MATN4: variants seen among roughly 807,000 people sequenced by gnomAD.
The protein encoded by MATN4 is matrilin-4.
In MATN4, 40 loss-of-function variants were observed where a neutral mutation model predicts 54.6. That is an observed-to-expected ratio of 0.73 (90% CI 0.57 to 0.95). The LOEUF is 0.95. MATN4 is among the 40% of genes least tolerant of loss of function. The pLI is 0.00. For missense variants in MATN4, 810 were observed against 819.1 expected, an observed-to-expected ratio of 0.99 and a Z score of 0.13; for synonymous variants, 351 against 345.3, an observed-to-expected ratio of 1.02 and a Z score of -0.18.
chr20:45,296,444 C>A (rs1331230741), intron 8 of MATN4, among the ~76,000 whole-genome samples: 1 of 152,146 alleles, frequency 6.6e-6, no homozygotes, highest in Non-Finnish European at 1.5e-5. Context: ...CCAGCAAAGA[C>A]CCCTAACTTC....
chr20:45,306,606 G>T (rs1156315905), intron 1 of MATN4, among the ~76,000 whole-genome samples: 1 of 152,246 alleles, frequency 6.6e-6, no homozygotes, highest in African/African-American at 2.4e-5. Context: ...GCTGAGCGTG[G>T]TGGCGTGGCA....
At position 45,301,443 on chromosome 20, in the gene MATN4, G is replaced by A. The variant is rs1193644739; in HGVS notation, c.644C>T (p.Ala215Val). The change falls in exon 4 of 10, where the codon GCC (alanine) becomes GTC (valine). Residue 215 changes from alanine to valine, a missense_variant and splice_region_variant. Coordinates refer to ENST00000372756, the MANE Select transcript of MATN4 (RefSeq NM_001393530.1). Reference sequence around the variant, plus strand: ...GGTCCCTTCAGCACACAGATCAATGGCTGAGGAAGAAATGGGGTCAGTCTA... The same window carrying A: ...GGTCCCTTCAGCACACAGATCAATGACTGAGGAAGAAATGGGGTCAGTCTA... The part of the protein sequence containing the change: ...FGLQFQSRLC[A>V]IDLCAEGTHG... 1.2e-6 allele frequency: 2 copies of A among 1,613,218 alleles called. No individual in the cohort carries two copies. Among genetic ancestry groups the A allele is most frequent in the African/African-American group, 2.7e-5 (2 of 74,930 alleles).
Position 45,298,141 on chromosome 20 carries a change from C to G in MATN4, c.1426+29G>C, listed in dbSNP as rs751599235. The G allele has an allele frequency of 6.2e-7, 1 of 1,600,464 alleles. No homozygotes were observed. The highest frequency in any genetic ancestry group is 8.5e-7 in the Non-Finnish European group (1 of 1,170,526). ...TGCCTCCCAGCGTCTGACCCAACCC[C>G]AGCCCACTGTGTCCCATGCCAAGCC... On this transcript the variant is annotated intron_variant, in intron 7 of 9. Coordinates refer to ENST00000372756, the MANE Select transcript of MATN4 (RefSeq NM_001393530.1). The surrounding 1 kb of genome is among the most constrained non-coding windows in gnomAD (Gnocchi z 4.6).
chr20:45,299,751 A>C (rs959703960), intron 6 of MATN4, among the ~76,000 whole-genome samples: 2 of 151,710 alleles, frequency 1.3e-5, no homozygotes, highest in Non-Finnish European at 2.9e-5. Context: ...GGTGGGGCAC[A>C]CCTGTAGTCT....
In MATN4 at chr20:45,308,205, C is replaced by A. The variant is rs1986908609; in HGVS notation, c.-65G>T. 6.2e-7 allele frequency: 1 copy of A among 1,613,978 alleles called. No individual in the cohort carries two copies. The highest frequency in any genetic ancestry group is 1.3e-5 in the African/African-American group (1 of 74,930). Reference sequence around the variant, plus strand: ...CCTGCAGGACAGATCAGAGATGCAGCTGCAGAGCGAAGCCGACAGGCGGAG... The same window carrying A: ...CCTGCAGGACAGATCAGAGATGCAGATGCAGAGCGAAGCCGACAGGCGGAG... On this transcript the variant is annotated 5_prime_UTR_variant, in exon 1 of 10. Coordinates refer to ENST00000372756, the MANE Select transcript of MATN4 (RefSeq NM_001393530.1).
At position 45,304,385 on chromosome 20, in the gene MATN4, G is replaced by A. The variant is rs201532559; in HGVS notation, c.486C>T (p.Arg162=). 83 of 1,500,462 alleles carry A rather than the reference G, an allele frequency of 5.5e-5. No homozygotes were observed. In the Admixed American group the frequency reaches 1.4e-3, roughly 25 times the overall value. The allele number at this position is 1,500,462 out of a possible 1,614,324, so 92.9% of individuals were successfully genotyped here. Residue 162 remains arginine (R), a synonymous_variant, in exon 3 of 10, where the codon CGC becomes CGT. Transcript: ENST00000372756. ...CCGCGTAAATTTCAATGCCGCGGGC[G>A]CGCGCCTGTGCCGCCACCTCGGCCA... ...DRVAEVAAQA[R]ARGIEIYAVG...
At chr20:45,294,923 A>ATGTG (rs1367624707) in intron 8 of MATN4, among the ~76,000 whole-genome samples, 2 of 152,134 alleles carry the variant, frequency 1.3e-5, no homozygotes, top group East Asian at 3.9e-4. Context: ...ACCCTATTGT[A>ATGTG]AACTGTGCAT....
intron 3 of MATN4, among the ~76,000 whole-genome samples, chr20:45,302,459 G>T (rs1030078652): frequency 4.6e-5 from 7 of 152,294 alleles, no homozygotes; most frequent in Admixed American, 1.3e-4. Flanking sequence ...AATAAGCGAG[G>T]TATTCTATGC....
chr20:45,307,052 G>A (rs1986769092), intron 1 of MATN4: 1 of 686,192 alleles, frequency 1.5e-6, no homozygotes, highest in African/African-American at 2.0e-5. Context: ...GCCCCAAGGA[G>A]GCAGCCCGCC....
intron 8 of MATN4, among the ~76,000 whole-genome samples, chr20:45,296,604 G>C (rs2741510): frequency 6.6e-6 from 1 of 152,044 alleles, no homozygotes; most frequent in African/African-American, 2.4e-5. Context: ...TGTTACCGAA[G>C]AGAAAAGTTA....
chr20:45,297,764 C>T (rs1985936910), intron 8 of MATN4, among the ~76,000 whole-genome samples, 154 bp downstream of exon 8: 1 of 152,218 alleles, frequency 6.6e-6, no homozygotes, highest in South Asian at 2.1e-4. Flanking sequence ...CGCCCTGCCG[C>T]TGGCCTGCAG....
Position 45,307,997 on chromosome 20 carries a change from T to C in MATN4, c.-35+178A>G, listed in dbSNP as rs537521473. The stretch of plus-strand genomic sequence containing the variant: ...TGAGAGTAGAAAAGGGATGATCCTA[T>C]TTTGATGGCTTTGAGGGTGGGGGCT... On this transcript the variant is annotated intron_variant, in intron 1 of 9. Coordinates refer to ENST00000372756, the MANE Select transcript of MATN4 (RefSeq NM_001393530.1). 7.0e-5 allele frequency: 41 copies of C among 582,614 alleles called. 1 individual carries two copies. The South Asian group carries it at 9.6e-4, about 14-fold the overall frequency. 36.1% of individuals were successfully genotyped at this position (582,614 alleles called of 1,614,324 possible). A position where few individuals can be genotyped will look rare whatever the true frequency, so the allele number is the denominator to read the frequency against.
chr20:45,293,974 C>A lies in MATN4; in HGVS notation c.1621G>T (p.Glu541Ter). Residue 541 changes from glutamate to a stop codon, truncating the protein, a stop_gained, in exon 9 of 10, where the codon GAA becomes TAA. Coordinates refer to ENST00000372756, the MANE Select transcript of MATN4 (RefSeq NM_001393530.1). LOFTEE classifies it high-confidence loss of function. ...SAGTELRSPC[E>*]CESLVEFQGR... is the part of the protein sequence containing the mutation. ...TGGAACTCCACGAGGCTTTCGCATT[C>A]GCATGGGCTCCGAAGCTCTGTCCCT... The A allele has an allele frequency of 6.2e-7, 1 of 1,603,644 alleles. No homozygotes were observed. The highest frequency in any genetic ancestry group is 8.5e-7 in the Non-Finnish European group (1 of 1,179,654).
At chr20:45,307,465 G>T (rs1380809413) in intron 1 of MATN4, among the ~76,000 whole-genome samples, 1 of 152,168 alleles carries the variant, frequency 6.6e-6, no homozygotes, top group East Asian at 1.9e-4. Context: ...AAGTGGGAGG[G>T]CGGGGAACCC....
In MATN4 at chr20:45,293,862, T is replaced by A. The variant is rs559364583; in HGVS notation, c.1688-37A>T. The A allele has an allele frequency of 1.1e-4, 173 of 1,608,618 alleles. No individual in the cohort carries two copies. In the South Asian group the frequency reaches 1.6e-3, roughly 15 times the overall value. On this transcript the variant is annotated intron_variant, in intron 9 of 9. Coordinates refer to ENST00000372756, the MANE Select transcript of MATN4 (RefSeq NM_001393530.1). ...AGGAGGCCGTTGGGGTTCGCCGAGG[T>A]CCCTTCACTTTCCCTCCAGCCCGCG...
In MATN4 at chr20:45,305,584, G is replaced by A; in HGVS notation, c.-2C>T. On this transcript the variant is annotated 5_prime_UTR_variant, in exon 2 of 10. Transcript: ENST00000372756. ...GGGCCAGCAAAGAAGGCCTCTCATGGCGCTTGGGGACAGAGAATGGAGGTG... is the reference window on the plus strand; with the variant it reads ...GGGCCAGCAAAGAAGGCCTCTCATGACGCTTGGGGACAGAGAATGGAGGTG... The A allele has an allele frequency of 2.6e-6, 4 of 1,557,578 alleles. No individual in the cohort carries two copies. The highest frequency in any genetic ancestry group is 2.4e-5 in the East Asian group (1 of 41,400).
At chr20:45,305,429 C>G (rs1600703013) in intron 2 of MATN4, 81 bp downstream of exon 2, 1 of 1,131,108 alleles carries the variant, frequency 8.8e-7, no homozygotes, top group East Asian at 2.6e-5. Context: ...TTCCCTCTCC[C>G]CAGCAGGAGG....
At position 45,298,352 on chromosome 20, in the gene MATN4, A is replaced by G. The variant is rs747606574; in HGVS notation, c.1244T>C (p.Val415Ala). The change falls in exon 7 of 10, where the codon GTG becomes GCG. Residue 415 changes from valine to alanine, a missense_variant. Physicochemically the swap from Val to Ala is moderately conservative, Grantham distance 64 (BLOSUM62 0). Transcript: ENST00000372756. The surrounding 1 kb of genome is among the most constrained non-coding windows in gnomAD (Gnocchi z 4.6). Reference sequence around the variant, plus strand: ...CATGGTGCCGCGTTCCATGTACTCCACGGCCAGGACCGCCTGCTTCACCTC... The same window carrying G: ...CATGGTGCCGCGTTCCATGTACTCCGCGGCCAGGACCGCCTGCTTCACCTC... ...AAEVKQAVLA[V>A]EYMERGTMTG... 7 of 1,613,092 alleles carry G rather than the reference A, an allele frequency of 4.3e-6. No individual in the cohort carries two copies. The highest frequency in any genetic ancestry group is 5.9e-6 in the Non-Finnish European group (7 of 1,179,612).
Position 45,303,283 on chromosome 20 carries a change from T to C in MATN4, c.643+945A>G, listed in dbSNP as rs114720923. Reference sequence around the variant, plus strand: ...GGCCTGTAAAGTGATGGAGGTGTGCTTTTACTGCCAAAGGCCCTTCCAGAC... The same window carrying C: ...GGCCTGTAAAGTGATGGAGGTGTGCCTTTACTGCCAAAGGCCCTTCCAGAC... On this transcript the variant is annotated intron_variant, in intron 3 of 9. Transcript: ENST00000372756. 9.1e-4 allele frequency: 580 copies of C among 636,006 alleles called. 4 individuals carry two copies. Among genetic ancestry groups the C allele is most frequent in the African/African-American group, 8.4e-3 (473 of 56,056 alleles). The allele number at this position is 636,006 out of a possible 1,614,324, so 39.4% of individuals were successfully genotyped here.
Sources: gnomAD v4.1 joint callset for allele counts (sites outside exome capture counted in the v4.1 genomes callset) on GRCh38, gnomAD v4.1.1 for gene constraint, Gnocchi (gnomAD v3.1) non-coding constraint, MANE v1.5 for transcripts, NCBI Gene and HGNC (gene_info 2026-07-23, HGNC 2026-07-21) for gene names.